HMGCLL1: variants seen among roughly 807,000 people sequenced by gnomAD.
HMGCLL1 encodes 3-hydroxy-3-methylglutaryl-CoA lyase like 1.
HMGCLL1 carries 36 observed loss-of-function variants against 39.1 expected under a neutral mutation model. The observed-to-expected ratio is 0.92, with a 90% CI of 0.71 to 1.22. The LOEUF is 1.22. Ranked by LOEUF, HMGCLL1 falls within the 50% of genes most tolerant of loss-of-function variation. The probability of loss-of-function intolerance (pLI) is 0.00; values close to 1 mark genes in which losing one functional copy is unlikely to be tolerated. For synonymous variants in HMGCLL1, 149 were observed against 144.0 expected (o/e 1.03, Z -0.25); for missense variants, 451 against 416.5 (o/e 1.08, Z -0.72).
chr6:55,549,283 T>G lies in HMGCLL1; in HGVS notation c.109-7143A>C, dbSNP rs560311318. On this transcript the variant is annotated intron_variant, in intron 1 of 8. Transcript: ENST00000274901. Reference sequence around the variant, plus strand: ...CCTTAGTGTCTTCACCAACAAAATTTGTTTGATCTCACACTCTCCCACCTT... The same window carrying G: ...CCTTAGTGTCTTCACCAACAAAATTGGTTTGATCTCACACTCTCCCACCTT... 9.9e-5 allele frequency among the ~76,000 whole-genome samples: 15 copies of G among 151,880 alleles called. No individual in the cohort carries two copies. The East Asian group carries it at 2.7e-3, about 27-fold the overall frequency.
At chr6:55,570,261 C>T (rs553978386) in intron 1 of HMGCLL1, among the ~76,000 whole-genome samples, 4 of 152,280 alleles carry the variant, frequency 2.6e-5, no homozygotes, top group Admixed American at 2.6e-4. Context: ...AGCTTCACAC[C>T]TAAAACATTC....
intron 1 of HMGCLL1, among the ~76,000 whole-genome samples, chr6:55,542,933 A>G (rs1327726626): frequency 7.9e-6 from 1 of 127,282 alleles, no homozygotes; most frequent in African/African-American, 3.1e-5. Context: ...TTATTATATT[A>G]CTATATTTAT....
chr6:55,587,075 G>A, the HMGCLL1 span, among the ~76,000 whole-genome samples: 1 of 151,646 alleles, frequency 6.6e-6, no homozygotes, highest in African/African-American at 2.4e-5. Context: ...CTGACTTTAA[G>A]GATCGCCATT....
At chr6:55,640,499 ATTAG>A in the HMGCLL1 span, among the ~76,000 whole-genome samples, 40 of 151,772 alleles carry the variant, frequency 2.6e-4, no homozygotes, top group Admixed American at 2.4e-3. Context: ...ATATTAATTA[ATTAG>A]TTAATTAATT....
At chr6:55,509,616 G>C (rs1270244337) in intron 5 of HMGCLL1, among the ~76,000 whole-genome samples, 1 of 151,840 alleles carries the variant, frequency 6.6e-6, no homozygotes, top group Non-Finnish European at 1.5e-5. Flanking sequence ...TGTTTTAAAG[G>C]AGAATACTGT....
chr6:55,551,728 C>A (rs1404979198), intron 1 of HMGCLL1, among the ~76,000 whole-genome samples: 1 of 151,992 alleles, frequency 6.6e-6, no homozygotes, highest in African/African-American at 2.4e-5. Context: ...ACTAAGCTAC[C>A]ATAAATAAAC....
At position 55,451,354 on chromosome 6, in the gene HMGCLL1, G is replaced by C. The variant is rs192444491; in HGVS notation, c.796-11795C>G. Among the ~76,000 whole-genome samples the C allele has an allele frequency of 2.0e-5, 3 of 152,226 alleles. No individual in the cohort carries two copies. In the East Asian group the frequency reaches 5.8e-4, roughly 29 times the overall value. On this transcript the variant is annotated intron_variant, in intron 7 of 8. Transcript: ENST00000274901. ...AAAGTTACATAGGGCTGGGCGCGGT[G>C]GCTCACACCTGTAATCCCAGCACTT... is the stretch of plus-strand genomic sequence containing the variant.
intron 1 of HMGCLL1, among the ~76,000 whole-genome samples, chr6:55,568,496 A>T (rs1309414048): frequency 6.6e-6 from 1 of 152,204 alleles, no homozygotes; most frequent in Admixed American, 6.6e-5. Context: ...TTAATAGTGC[A>T]AATTCTGTTT....
At chr6:55,635,929 C>T in the HMGCLL1 span, among the ~76,000 whole-genome samples, 1 of 152,086 alleles carries the variant, frequency 6.6e-6, no homozygotes, top group Non-Finnish European at 1.5e-5. Context: ...CTCTGGGAAC[C>T]CAGTCTTGTC....
the HMGCLL1 span, among the ~76,000 whole-genome samples, chr6:55,648,364 T>C: frequency 7.0e-6 from 1 of 142,794 alleles, no homozygotes; most frequent in African/African-American, 2.6e-5. Flanking sequence ...ATAACTAAAA[T>C]CAGAGCAGAA....
At chr6:55,449,681 G>A (rs186803942) in intron 7 of HMGCLL1, among the ~76,000 whole-genome samples, 7 of 152,124 alleles carry the variant, frequency 4.6e-5, no homozygotes, top group Admixed American at 6.5e-5. Flanking sequence ...CTAATTGAAC[G>A]TTTTACGATT....
the HMGCLL1 span, among the ~76,000 whole-genome samples, chr6:55,628,701 G>A: frequency 6.6e-6 from 1 of 152,088 alleles, no homozygotes. Flanking sequence ...CCCACGTGTT[G>A]TGGGAGGAAC....
chr6:55,576,943 A>C, intron 1 of HMGCLL1: 1 of 1,192,690 alleles, frequency 8.4e-7, no homozygotes, highest in Admixed American at 2.1e-5. Flanking sequence ...TCTGGACTGG[A>C]ATTCAAGAGA....
intron 7 of HMGCLL1, among the ~76,000 whole-genome samples, chr6:55,441,414 T>A (rs9370422): frequency 6.6e-6 from 1 of 151,858 alleles, no homozygotes; most frequent in African/African-American, 2.4e-5. Flanking sequence ...GTTTTAGAAA[T>A]CTGACTGAAG....
chr6:55,466,749 A>G (rs1476347257), intron 7 of HMGCLL1, among the ~76,000 whole-genome samples: 1 of 152,060 alleles, frequency 6.6e-6, no homozygotes, highest in Non-Finnish European at 1.5e-5. Flanking sequence ...GAAAGAGTCT[A>G]GGATCTGATC....
chr6:55,598,352 A>G, the HMGCLL1 span, among the ~76,000 whole-genome samples: 5 of 152,210 alleles, frequency 3.3e-5, no homozygotes, highest in Admixed American at 6.5e-5. Flanking sequence ...GCCACAGTAA[A>G]TGGTGTTTAA....
At chr6:55,446,272 AT>A (rs1763831009) in intron 7 of HMGCLL1, among the ~76,000 whole-genome samples, 1 of 148,328 alleles carries the variant, frequency 6.7e-6, no homozygotes, top group African/African-American at 2.4e-5. Context: ...ATGTATATTT[AT>A]AACATATTTA....
At chr6:55,548,699 A>G (rs1336267090) in intron 1 of HMGCLL1, among the ~76,000 whole-genome samples, 1 of 152,020 alleles carries the variant, frequency 6.6e-6, no homozygotes, top group Non-Finnish European at 1.5e-5. Context: ...GTTTTAATAT[A>G]AAACTACATT....
the HMGCLL1 span, among the ~76,000 whole-genome samples, chr6:55,596,362 AAAAT>A: frequency 6.6e-6 from 1 of 152,164 alleles, no homozygotes; most frequent in Non-Finnish European, 1.5e-5. Context: ...ATAGGAATTG[AAAAT>A]CTTTAGTACA....
Sources: gnomAD v4.1 joint callset for allele counts (sites outside exome capture counted in the v4.1 genomes callset) on GRCh38, gnomAD v4.1.1 for gene constraint, MANE v1.5 for transcripts, NCBI Gene and HGNC (gene_info 2026-07-23, HGNC 2026-07-21) for gene names.